Variants in ATF6 observed in about 807,000 individuals in gnomAD.
ATF6 encodes cyclic AMP-dependent transcription factor ATF-6 alpha.
Under a neutral mutation model 83.6 loss-of-function variants are expected in ATF6, and 53 were observed. The ratio of observed to expected loss-of-function variants is 0.63; its 90% CI spans 0.51 to 0.80. The LOEUF (loss-of-function observed/expected upper bound fraction) is 0.80. ATF6 is among the 30% of genes least tolerant of loss of function. The probability of loss-of-function intolerance (pLI) is 0.00; values close to 1 mark genes in which losing one functional copy is unlikely to be tolerated. For missense variants in ATF6, 744 were observed against 797.9 expected (o/e 0.93, Z 0.81); for synonymous variants, 288 against 285.8 (o/e 1.01, Z -0.08).
At chr1:161,789,110 G>T (rs544712056) in intron 4 of ATF6, among the ~76,000 whole-genome samples, 1 of 151,860 alleles carries the variant, frequency 6.6e-6, no homozygotes, top group Non-Finnish European at 1.5e-5. Flanking sequence ...GGAAAATGGG[G>T]TATCCATCCC....
intron 1 of ATF6, among the ~76,000 whole-genome samples, chr1:161,769,952 CAGGGT>C (rs1684347639): frequency 2.0e-5 from 3 of 152,146 alleles, no homozygotes; most frequent in African/African-American, 7.2e-5. Context: ...TGGTTCCCAA[CAGGGT>C]TGGGAACCAC....
chr1:161,786,882 C>G (rs1248291778), intron 4 of ATF6, among the ~76,000 whole-genome samples: 1 of 152,202 alleles, frequency 6.6e-6, no homozygotes, highest in Non-Finnish European at 1.5e-5. Context: ...CAGAATCAAG[C>G]ATTGCATGTG....
chr1:161,923,365 T>C (rs867573874), intron 15 of ATF6, among the ~76,000 whole-genome samples: 3 of 152,202 alleles, frequency 2.0e-5, no homozygotes, highest in Non-Finnish European at 4.4e-5. Context: ...TCTATAGCTG[T>C]ATCTTACCTC....
intron 4 of ATF6, among the ~76,000 whole-genome samples, chr1:161,786,969 T>C (rs1684761302): frequency 6.6e-6 from 1 of 152,190 alleles, no homozygotes; most frequent in African/African-American, 2.4e-5. Context: ...CTTGTCACTT[T>C]TGGGGATTAG....
At chr1:161,793,924 T>A (rs1383033079) in intron 6 of ATF6, among the ~76,000 whole-genome samples, 1 of 152,228 alleles carries the variant, frequency 6.6e-6, no homozygotes, top group African/African-American at 2.4e-5. Flanking sequence ...TTTCTTTTAT[T>A]TGAGACAGAG....
intron 8 of ATF6, 129 bp from the exon 9 acceptor site, chr1:161,820,941 A>G: frequency 2.8e-6 from 1 of 363,248 alleles, no homozygotes; most frequent in Non-Finnish European, 4.6e-6. Context: ...TTTTTTTTTT[A>G]AATAAGACAA....
intron 2 of ATF6, 122 bp downstream of exon 2, chr1:161,778,442 T>TA: frequency 1.5e-6 from 1 of 681,768 alleles, no homozygotes; most frequent in Non-Finnish European, 2.5e-6. Context: ...GGTAAATAGC[T>TA]TCTACCATTA....
At chr1:161,917,297 T>C (rs1427321487) in intron 15 of ATF6, among the ~76,000 whole-genome samples, 1 of 152,230 alleles carries the variant, frequency 6.6e-6, no homozygotes, top group African/African-American at 2.4e-5. Context: ...TTGTTTCAGA[T>C]TGTGGAATAT....
At chr1:161,858,255 G>A (rs1238643914) in intron 12 of ATF6, among the ~76,000 whole-genome samples, 1 of 152,112 alleles carries the variant, frequency 6.6e-6, no homozygotes, top group Non-Finnish European at 1.5e-5. Flanking sequence ...TACCAAGATG[G>A]TAGACTTAAA....
intron 12 of ATF6, among the ~76,000 whole-genome samples, chr1:161,859,211 T>G (rs1686827463): frequency 6.6e-6 from 1 of 152,188 alleles, no homozygotes; most frequent in South Asian, 2.1e-4. Flanking sequence ...ATGAGATCCT[T>G]GACTTGTTAC....
intron 1 of ATF6, among the ~76,000 whole-genome samples, chr1:161,775,799 T>C (rs1050831659): frequency 1.3e-5 from 2 of 152,140 alleles, no homozygotes; most frequent in Non-Finnish European, 2.9e-5. Context: ...GTATTTAGTA[T>C]CCAAGATCTG....
intron 5 of ATF6, 89 bp downstream of exon 5, chr1:161,791,626 T>C (rs1211030722): frequency 1.4e-6 from 2 of 1,416,970 alleles, no homozygotes; most frequent in Admixed American, 4.9e-5. Context: ...ATTAAATTTA[T>C]GTTTATTAGG....
intron 9 of ATF6, among the ~76,000 whole-genome samples, chr1:161,826,844 A>G (rs1034102754): frequency 1.2e-4 from 19 of 152,204 alleles, no homozygotes; most frequent in African/African-American, 4.6e-4. Context: ...AGTGATTTGA[A>G]AGACTGAAAT....
intron 14 of ATF6, chr1:161,891,443 A>G (rs1434743216): frequency 1.3e-5 from 2 of 152,182 alleles, no homozygotes; most frequent in African/African-American, 4.8e-5. Context: ...CCTCCTCTCT[A>G]TGCGGCTTCT....
chr1:161,949,420 A>G lies in ATF6; in HGVS notation c.1805-9026A>G, dbSNP rs1303846630. Among the ~76,000 whole-genome samples the G allele has an allele frequency of 2.0e-5, 3 of 152,296 alleles. No homozygotes were observed. In the East Asian group the frequency reaches 5.8e-4, roughly 29 times the overall value. ...TCTGAGAGGCCTCAGGAGTTTGGAA[A>G]TGGGGGTGTCCAACCTGTTTCTTTG... On this transcript the variant is annotated intron_variant, in intron 15 of 15. Transcript: ENST00000367942.
At chr1:161,831,803 G>C (rs1425960252) in intron 9 of ATF6, among the ~76,000 whole-genome samples, 23 of 134,016 alleles carry the variant, frequency 1.7e-4, no homozygotes, top group African/African-American at 6.2e-4. Flanking sequence ...GGTGGGGTCG[G>C]GGGAGGGGGG....
At chr1:161,781,029 A>G (rs1684625531) in intron 2 of ATF6, among the ~76,000 whole-genome samples, 1 of 152,084 alleles carries the variant, frequency 6.6e-6, no homozygotes, top group Non-Finnish European at 1.5e-5. Flanking sequence ...TGCATTATTT[A>G]TGTATTAAGT....
chr1:161,878,009 C>T (rs893608375), intron 14 of ATF6, among the ~76,000 whole-genome samples: 3 of 152,068 alleles, frequency 2.0e-5, no homozygotes, highest in Non-Finnish European at 4.4e-5. Flanking sequence ...TTTGAAATGT[C>T]TGTGAGACAT....
chr1:161,899,406 A>G (rs1442519047), intron 14 of ATF6, among the ~76,000 whole-genome samples: 2 of 152,190 alleles, frequency 1.3e-5, no homozygotes, highest in East Asian at 3.8e-4. Flanking sequence ...TTAGGGAGAA[A>G]TAAGTCTAGT....
Sources: allele counts gnomAD v4.1 joint callset (sites outside exome capture counted in the v4.1 genomes callset), GRCh38; gene constraint gnomAD v4.1.1; transcripts MANE v1.5; gene names NCBI Gene and HGNC (gene_info 2026-07-23, HGNC 2026-07-21).